The following PTBP3 variants were observed in gnomAD, a reference collection of about 807,000 sequenced individuals.
The protein encoded by PTBP3 is polypyrimidine tract-binding protein 3.
A neutral mutation model predicts 58.7 loss-of-function variants in PTBP3; 20 were observed. That is an observed-to-expected ratio of 0.34 (90% CI 0.24 to 0.50). The LOEUF is 0.50. Among genes scored for constraint, PTBP3 ranks in the 20% least tolerant of loss-of-function variants. The pLI, the probability that PTBP3 is intolerant of heterozygous loss-of-function variation, is 0.98. For missense variants in PTBP3, 509 were observed against 637.2 expected (o/e 0.80, Z 2.17); for synonymous variants, 185 against 219.8 (o/e 0.84, Z 1.40).
the PTBP3 span, among the ~76,000 whole-genome samples, chr9:112,378,952 C>T: frequency 1.3e-5 from 2 of 152,122 alleles, no homozygotes; most frequent in Non-Finnish European, 2.9e-5. Context: ...TTTGGAAGGC[C>T]GAGGCGGGCC....
chr9:112,354,410 A>AAAAAC, the PTBP3 span, among the ~76,000 whole-genome samples: 2 of 152,250 alleles, frequency 1.3e-5, no homozygotes, highest in African/African-American at 4.8e-5. Context: ...TCAGTAGCAG[A>AAAAAC]AAAACAAAAC....
chr9:112,242,989 G>A (rs984734983), intron 7 of PTBP3: 2 of 152,114 alleles, frequency 1.3e-5, no homozygotes, highest in Non-Finnish European at 2.9e-5. Flanking sequence ...GGATTAGATT[G>A]GCAACTTTGT....
intron 2 of PTBP3, among the ~76,000 whole-genome samples, chr9:112,279,292 G>C (rs1334428256): frequency 6.6e-6 from 1 of 152,056 alleles, no homozygotes; most frequent in Non-Finnish European, 1.5e-5. Context: ...AAAATACTTT[G>C]CTTGTATAAA....
Position 112,222,252 on chromosome 9 carries a change from T to A in PTBP3, c.*1599A>T. The A allele has an allele frequency of 1.0e-6, 1 of 975,032 alleles. No individual in the cohort carries two copies. Among genetic ancestry groups the A allele is most frequent in the Non-Finnish European group, 1.2e-6 (1 of 820,124 alleles). The allele number at this position is 975,032 out of a possible 1,614,324, so 60.4% of individuals were successfully genotyped here. ...GAAGAAATAATAGCAAAGTTTCTTA[T>A]TAAAAAGAAACAATTTTACATTATA... On this transcript the variant is annotated 3_prime_UTR_variant, in exon 14 of 14. Coordinates refer to ENST00000374257, the MANE Select transcript of PTBP3 (RefSeq NM_001163788.4).
intron 1 of PTBP3, among the ~76,000 whole-genome samples, chr9:112,310,984 C>T (rs1221535693): frequency 1.3e-5 from 2 of 152,146 alleles, no homozygotes; most frequent in Non-Finnish European, 2.9e-5. Flanking sequence ...AGGGCCTTAA[C>T]GGCCATTCTA....
chr9:112,326,246 G>A (rs936122037), intron 1 of PTBP3, among the ~76,000 whole-genome samples: 1 of 152,162 alleles, frequency 6.6e-6, no homozygotes, highest in African/African-American at 2.4e-5. Context: ...AAAAGGAAAA[G>A]GATTGCAGCA....
the PTBP3 span, among the ~76,000 whole-genome samples, chr9:112,375,832 T>C: frequency 2.6e-5 from 4 of 152,222 alleles, no homozygotes; most frequent in East Asian, 1.9e-4. Flanking sequence ...TAATGACCCA[T>C]AGTCAAACGT....
intron 4 of PTBP3, among the ~76,000 whole-genome samples, chr9:112,266,662 G>A (rs1836812792): frequency 6.6e-6 from 1 of 152,072 alleles, no homozygotes; most frequent in Non-Finnish European, 1.5e-5. Context: ...AGCTGATGAG[G>A]TAATGCTATA....
At chr9:112,264,604 C>A (rs1027924702) in intron 4 of PTBP3, among the ~76,000 whole-genome samples, 1 of 152,156 alleles carries the variant, frequency 6.6e-6, no homozygotes, top group Non-Finnish European at 1.5e-5. Flanking sequence ...TAAAAAGATA[C>A]TACAGTACTT....
At chr9:112,339,466 AAGTCTCCC>A in the PTBP3 span, among the ~76,000 whole-genome samples, 1 of 151,878 alleles carries the variant, frequency 6.6e-6, no homozygotes, top group Non-Finnish European at 1.5e-5. Context: ...CTTAACCTAG[AAGTCTCCC>A]AGACCCCACT....
the PTBP3 span, among the ~76,000 whole-genome samples, chr9:112,367,657 A>G: frequency 1.3e-5 from 2 of 152,188 alleles, no homozygotes; most frequent in Non-Finnish European, 2.9e-5. Flanking sequence ...GAGAAATGCA[A>G]TGATAATCTT....
the PTBP3 span, among the ~76,000 whole-genome samples, chr9:112,357,470 G>A: frequency 2.0e-5 from 3 of 152,078 alleles, no homozygotes; most frequent in East Asian, 5.8e-4. Flanking sequence ...TCTTACCTCA[G>A]CCTCCTGAAT....
intron 1 of PTBP3, among the ~76,000 whole-genome samples, chr9:112,323,108 C>T (rs779918582): frequency 5.9e-5 from 9 of 152,148 alleles, no homozygotes; most frequent in East Asian, 3.8e-4. Context: ...TAAAATTAGC[C>T]GGGCATGGTG....
chr9:112,223,923 G>A lies in PTBP3; in HGVS notation c.1503C>T (p.Leu501=). The A allele has an allele frequency of 6.2e-7, 1 of 1,613,800 alleles. No homozygotes were observed. Among genetic ancestry groups the A allele is most frequent in the Non-Finnish European group, 8.5e-7 (1 of 1,179,842 alleles). Residue 501 remains leucine, a synonymous_variant, in exon 14 of 14, where the codon CTC becomes CTT. Transcript: ENST00000374257. ...LGSVEEAIQA[L]IELHNHDLGE... ...CAAGGTCATGGTTATGAAGCTCAAT[G>A]AGGGCCTGAATTGCTTCTTCCACAG...
chr9:112,252,363 G>C (rs1236357641), intron 6 of PTBP3: 3 of 307,228 alleles, frequency 9.8e-6, no homozygotes, highest in South Asian at 3.3e-5. Context: ...ATGAAAGCAC[G>C]AGGGTAATGA....
At chr9:112,297,705 C>A in intron 2 of PTBP3, 127 bp downstream of exon 2, 1 of 702,222 alleles carries the variant, frequency 1.4e-6, no homozygotes, top group Non-Finnish European at 2.2e-6. Flanking sequence ...AGTACTTTAC[C>A]GAAACAAATT....
At chr9:112,325,645 A>C (rs1352369239) in intron 1 of PTBP3, among the ~76,000 whole-genome samples, 1 of 151,696 alleles carries the variant, frequency 6.6e-6, no homozygotes, top group East Asian at 1.9e-4. Context: ...ACAAAGATGA[A>C]TCTCAAAACC....
intron 1 of PTBP3, chr9:112,333,089 C>A: frequency 7.8e-7 from 1 of 1,278,232 alleles, no homozygotes; most frequent in South Asian, 2.7e-5. Context: ...TCCGCCTCCC[C>A]CAGCGCCGCG....
intron 1 of PTBP3, among the ~76,000 whole-genome samples, chr9:112,308,875 G>T (rs1829353792): frequency 6.6e-6 from 1 of 152,104 alleles, no homozygotes; most frequent in Non-Finnish European, 1.5e-5. Context: ...AGCTTTACTG[G>T]CTCAAGTATC....
Sources: gnomAD v4.1 joint callset for allele counts (sites outside exome capture counted in the v4.1 genomes callset) on GRCh38, gnomAD v4.1.1 for gene constraint, MANE v1.5 for transcripts, NCBI Gene and HGNC (gene_info 2026-07-23, HGNC 2026-07-21) for gene names.